Variants in PTPRD observed in about 807,000 individuals in gnomAD.
PTPRD encodes the protein protein tyrosine phosphatase receptor type D.
A neutral mutation model predicts 214.5 loss-of-function variants in PTPRD; 34 were observed. That is an observed-to-expected ratio of 0.16 (90% confidence interval 0.12 to 0.21). PTPRD has a LOEUF of 0.21. PTPRD is among the 10% of genes least tolerant of loss of function. The pLI is 1.00. For missense variants in PTPRD, 2,545 were observed against 2,398.7 expected (o/e 1.06, Z -1.27); for synonymous variants, 1,128 against 845.7 (o/e 1.33, Z -5.79).
intron 14 of PTPRD, among the ~76,000 whole-genome samples, chr9:8,584,110 T>G (rs1161702618): frequency 6.6e-6 from 1 of 152,164 alleles, no homozygotes; most frequent in African/African-American, 2.4e-5. Flanking sequence ...GCCATGATTG[T>G]GCCACTGCAT....
chr9:10,054,498 G>A (rs1222597749), intron 3 of PTPRD, among the ~76,000 whole-genome samples: 2 of 152,124 alleles, frequency 1.3e-5, no homozygotes, highest in Non-Finnish European at 2.9e-5. Context: ...TTTTCTTAGA[G>A]CACTTACTTT....
chr9:9,925,307 C>T (rs2083885094), intron 5 of PTPRD, among the ~76,000 whole-genome samples: 1 of 151,922 alleles, frequency 6.6e-6, no homozygotes, highest in African/African-American at 2.4e-5. Context: ...TCACATATTT[C>T]CCTCTCCAGA....
intron 44 of PTPRD, among the ~76,000 whole-genome samples, chr9:8,327,405 G>A (rs368320241): frequency 4.6e-5 from 7 of 151,534 alleles, no homozygotes; most frequent in East Asian, 2.0e-4. Context: ...GAGACTGTTT[G>A]TTATGATTTC....
chr9:10,347,080 T>A (rs1412623343), intron 2 of PTPRD, among the ~76,000 whole-genome samples: 1 of 152,056 alleles, frequency 6.6e-6, no homozygotes, highest in Non-Finnish European at 1.5e-5. Flanking sequence ...ACACCTCCCC[T>A]CCTAACTCCC....
chr9:9,429,733 A>G, intron 8 of PTPRD, among the ~76,000 whole-genome samples: 1 of 152,352 alleles, frequency 6.6e-6, no homozygotes. Flanking sequence ...CCTGGAATGC[A>G]ATGCTGGTTC....
At chr9:10,509,634 G>A (rs1407407) in intron 2 of PTPRD, among the ~76,000 whole-genome samples, 47,889 of 142,072 alleles carry the variant, frequency 0.34, 8,402 homozygotes, top group Middle Eastern at 0.45. Flanking sequence ...TACATTTGGC[G>A]TTTTTTAATG....
intron 11 of PTPRD, among the ~76,000 whole-genome samples, chr9:8,901,817 T>C (rs2098671158): frequency 2.0e-5 from 3 of 152,228 alleles, no homozygotes; most frequent in Non-Finnish European, 4.4e-5. Context: ...AATTTCCTTT[T>C]GTTCTCTAAC....
intron 3 of PTPRD, among the ~76,000 whole-genome samples, chr9:10,245,272 A>C (rs148368919): frequency 0.012 from 1,885 of 152,282 alleles, 31 homozygotes; most frequent in African/African-American, 0.043. Context: ...AAATATAATC[A>C]ACATATATTC....
intron 3 of PTPRD, among the ~76,000 whole-genome samples, chr9:10,175,082 A>G (rs1399597591): frequency 1.3e-5 from 2 of 152,082 alleles, no homozygotes; most frequent in African/African-American, 4.8e-5. Flanking sequence ...TTGACAATAA[A>G]GCCTTAGGTA....
At chr9:10,610,406 G>C (rs115936620) in intron 2 of PTPRD, among the ~76,000 whole-genome samples, 1 of 152,120 alleles carries the variant, frequency 6.6e-6, no homozygotes. Flanking sequence ...CTTCTCTACT[G>C]TGTAAAATAT....
At chr9:10,111,055 T>C (rs1176084046) in intron 3 of PTPRD, among the ~76,000 whole-genome samples, 1 of 152,100 alleles carries the variant, frequency 6.6e-6, no homozygotes, top group African/African-American at 2.4e-5. Flanking sequence ...TGTATGGCTT[T>C]ATATACATTC....
At chr9:9,452,342 A>G (rs942217183) in intron 8 of PTPRD, among the ~76,000 whole-genome samples, 3 of 151,560 alleles carry the variant, frequency 2.0e-5, no homozygotes, top group African/African-American at 7.2e-5. Flanking sequence ...ACAAAGTAGT[A>G]GAGTTTACTA....
intron 4 of PTPRD, among the ~76,000 whole-genome samples, chr9:9,960,532 G>A (rs1347516460): frequency 6.6e-6 from 1 of 152,092 alleles, no homozygotes; most frequent in Non-Finnish European, 1.5e-5. Flanking sequence ...AGGTGATCAA[G>A]GCCAGTATCA....
chr9:10,219,064 G>A (rs1425273796), intron 3 of PTPRD, among the ~76,000 whole-genome samples: 1 of 151,742 alleles, frequency 6.6e-6, no homozygotes. Flanking sequence ...TCAAAGCTGT[G>A]CCACAAGCTG....
intron 33 of PTPRD, 146 bp from the exon 34 acceptor site, chr9:8,449,983 G>C: frequency 1.3e-6 from 1 of 745,062 alleles, no homozygotes; most frequent in South Asian, 2.1e-5. Context: ...ACCCAGTTCG[G>C]GTTGCTTTTC....
intron 11 of PTPRD, among the ~76,000 whole-genome samples, chr9:8,968,712 G>C (rs2154329691): frequency 6.6e-6 from 1 of 152,192 alleles, no homozygotes; most frequent in Non-Finnish European, 1.5e-5. Flanking sequence ...AATCCAAATA[G>C]TGTGATTTCA....
intron 21 of PTPRD, among the ~76,000 whole-genome samples, chr9:8,514,713 C>CA (rs2097754453): frequency 1.3e-5 from 2 of 152,048 alleles, no homozygotes. Flanking sequence ...CATAAAAACA[C>CA]AAAAACTATC....
chr9:10,122,115 C>G (rs978987625), intron 3 of PTPRD, among the ~76,000 whole-genome samples: 1 of 152,154 alleles, frequency 6.6e-6, no homozygotes, highest in Admixed American at 6.5e-5. Context: ...CAATACCAGC[C>G]TGGCCAACAT....
chr9:8,795,399 C>A (rs1056170999), intron 11 of PTPRD, among the ~76,000 whole-genome samples: 4 of 152,074 alleles, frequency 2.6e-5, no homozygotes, highest in Admixed American at 2.6e-4. Context: ...AACTCCTGAC[C>A]TCAGGCAATT....
Sources: allele counts gnomAD v4.1 joint callset (sites outside exome capture counted in the v4.1 genomes callset), GRCh38; gene constraint gnomAD v4.1.1; transcripts MANE v1.5; gene names NCBI Gene and HGNC (gene_info 2026-07-23, HGNC 2026-07-21).